The following CBFA2T2 variants were observed in gnomAD, a reference collection of about 807,000 sequenced individuals.
CBFA2T2 encodes the protein CBFA2/RUNX1 partner transcriptional co-repressor 2, also known as protein CBFA2T2.
A neutral mutation model predicts 62.2 loss-of-function variants in CBFA2T2; 11 were observed. The observed-to-expected ratio is 0.18, with a 90% CI of 0.11 to 0.29. The LOEUF is 0.29. Ranked by LOEUF, CBFA2T2 falls within the 10% of genes least tolerant of loss-of-function variation. The pLI, the probability that CBFA2T2 is intolerant of heterozygous loss-of-function variation, is 1.00. For missense variants in CBFA2T2, 592 were observed against 774.1 expected (o/e 0.76, Z 2.79); for synonymous variants, 295 against 287.5 (o/e 1.03, Z -0.27).
chr20:33,596,234 T>G (rs1041926884), intron 1 of CBFA2T2, among the ~76,000 whole-genome samples: 1 of 151,700 alleles, frequency 6.6e-6, no homozygotes, highest in African/African-American at 2.4e-5. Flanking sequence ...CCACTGTATC[T>G]GTCTCAGTTA....
intron 1 of CBFA2T2, among the ~76,000 whole-genome samples, chr20:33,501,263 T>TTG (rs1284489440): frequency 6.6e-6 from 1 of 152,210 alleles, no homozygotes; most frequent in Non-Finnish European, 1.5e-5. Flanking sequence ...ACAGCTCCCT[T>TTG]GATACACTAT....
At chr20:33,628,323 T>G in intron 6 of CBFA2T2, 27 bp from the exon 7 acceptor site, 3 of 1,527,950 alleles carry the variant, frequency 2.0e-6, no homozygotes, top group Non-Finnish European at 2.7e-6. Context: ...CCTGCTATCT[T>G]TGAATTTAAT....
intron 10 of CBFA2T2, among the ~76,000 whole-genome samples, 187 bp from the exon 11 acceptor site, chr20:33,644,160 G>C (rs1327526576): frequency 1.3e-5 from 2 of 152,020 alleles, no homozygotes; most frequent in Non-Finnish European, 2.9e-5. Flanking sequence ...ACAGATGAAG[G>C]AAACTCAGAA....
chr20:33,618,797 A>C (rs2015813727), intron 3 of CBFA2T2, among the ~76,000 whole-genome samples: 1 of 152,200 alleles, frequency 6.6e-6, no homozygotes, highest in Non-Finnish European at 1.5e-5. Flanking sequence ...TCCTAGGCCA[A>C]GTCATTATCT....
chr20:33,542,984 A>G (rs1030381877), intron 1 of CBFA2T2, among the ~76,000 whole-genome samples: 1 of 151,090 alleles, frequency 6.6e-6, no homozygotes, highest in African/African-American at 2.4e-5. Context: ...CTAATACTTA[A>G]TTTGTATTAA....
chr20:33,550,553 A>G (rs1032073841), intron 1 of CBFA2T2, among the ~76,000 whole-genome samples: 6 of 152,226 alleles, frequency 3.9e-5, no homozygotes, highest in African/African-American at 1.4e-4. Context: ...TCCTCAGAGA[A>G]CAGTAATGGG....
intron 3 of CBFA2T2, among the ~76,000 whole-genome samples, chr20:33,618,052 G>A (rs2122318134): frequency 6.6e-6 from 1 of 152,148 alleles, no homozygotes; most frequent in South Asian, 2.1e-4. Flanking sequence ...TAACAGTATT[G>A]TAGGTACCTT....
intron 1 of CBFA2T2, among the ~76,000 whole-genome samples, chr20:33,503,778 C>T (rs984236690): frequency 3.3e-5 from 5 of 151,974 alleles, no homozygotes; most frequent in East Asian, 3.9e-4. Context: ...GCCTCGATCT[C>T]GCAAAGTACT....
chr20:33,526,772 ATCTT>A (rs2011900175), intron 1 of CBFA2T2, among the ~76,000 whole-genome samples: 1 of 152,192 alleles, frequency 6.6e-6, no homozygotes, highest in Non-Finnish European at 1.5e-5. Context: ...GGAAATATAT[ATCTT>A]AAGCTATATT....
intron 1 of CBFA2T2, chr20:33,574,313 A>G (rs780577061): frequency 6.4e-7 from 1 of 1,558,412 alleles, no homozygotes; most frequent in South Asian, 1.1e-5. Flanking sequence ...TAACAGAAAT[A>G]TACTCTTCCC....
chr20:33,620,534 G>A (rs1417405819), intron 4 of CBFA2T2, among the ~76,000 whole-genome samples: 1 of 150,942 alleles, frequency 6.6e-6, no homozygotes, highest in African/African-American at 2.4e-5. Context: ...AATAAAAAAA[G>A]AAATATTTAA....
In CBFA2T2 at chr20:33,614,318, T is replaced by G. The variant is rs563725898; in HGVS notation, c.420+2983T>G. Among the ~76,000 whole-genome samples the G allele has an allele frequency of 2.6e-5, 4 of 152,334 alleles. No homozygotes were observed. The East Asian group carries it at 5.8e-4, about 22-fold the overall frequency. On this transcript the variant is annotated intron_variant, in intron 3 of 10. Transcript: ENST00000342704. ...GTGGTCTTAAGTACATTCATATTGT[T>G]TGTGCTGTTCACCATGTGTCCCTGT...
At chr20:33,526,730 C>CAA (rs56981202) in intron 1 of CBFA2T2, among the ~76,000 whole-genome samples, 5 of 145,816 alleles carry the variant, frequency 3.4e-5, no homozygotes, top group African/African-American at 1.0e-4. Context: ...GCCAAATTTT[C>CAA]AAAAAAAAAA....
intron 1 of CBFA2T2, among the ~76,000 whole-genome samples, chr20:33,525,148 A>G (rs1336391822): frequency 6.9e-6 from 1 of 145,006 alleles, no homozygotes; most frequent in African/African-American, 2.6e-5. Context: ...TTTTTTTGTA[A>G]ATGGCTTTGT....
At chr20:33,584,352 A>C (rs1477928181) in intron 1 of CBFA2T2, among the ~76,000 whole-genome samples, 1 of 141,770 alleles carries the variant, frequency 7.1e-6, no homozygotes, top group East Asian at 2.0e-4. Context: ...TGCAAGCTCC[A>C]CCTCCCAGGT....
chr20:33,535,816 G>GCCTTC (rs2012199622), intron 1 of CBFA2T2, among the ~76,000 whole-genome samples: 1 of 151,964 alleles, frequency 6.6e-6, no homozygotes, highest in Non-Finnish European at 1.5e-5. Context: ...GGACCCTGCG[G>GCCTTC]CCTTCCGCAG....
intron 1 of CBFA2T2, among the ~76,000 whole-genome samples, chr20:33,506,849 G>T (rs886882492): frequency 3.3e-5 from 5 of 152,162 alleles, no homozygotes; most frequent in African/African-American, 1.2e-4. Flanking sequence ...TTTTCTGTAG[G>T]TCTCTAAATA....
At position 33,648,936 on chromosome 20, in the gene CBFA2T2, C is replaced by A. The variant is rs1041952895; in HGVS notation, c.*4290C>A. 1.3e-5 allele frequency: 2 copies of A among 152,058 alleles called. No individual in the cohort carries two copies. Among genetic ancestry groups the A allele is most frequent in the African/African-American group, 4.8e-5 (2 of 41,404 alleles). 9.4% of individuals were successfully genotyped at this position (152,058 alleles called of 1,614,324 possible). ...GGTATAGACATCATTCTGGGTAGTTCTAGAGGATATCGCAACAAGTGCGTT... is the reference window on the plus strand; with the variant it reads ...GGTATAGACATCATTCTGGGTAGTTATAGAGGATATCGCAACAAGTGCGTT... On this transcript the variant is annotated 3_prime_UTR_variant, in exon 11 of 11. Coordinates refer to ENST00000342704, the MANE Select transcript of CBFA2T2 (RefSeq NM_001032999.3).
chr20:33,579,115 GT>G (rs533821689), intron 1 of CBFA2T2, among the ~76,000 whole-genome samples: 148 of 128,156 alleles, frequency 1.2e-3, no homozygotes, highest in Non-Finnish European at 1.3e-3. Flanking sequence ...GTTTTTTTTT[GT>G]TTTTTTTTTT....
Sources: allele counts gnomAD v4.1 joint callset (sites outside exome capture counted in the v4.1 genomes callset), GRCh38; gene constraint gnomAD v4.1.1; transcripts MANE v1.5; gene names NCBI Gene and HGNC (gene_info 2026-07-23, HGNC 2026-07-21).